ZNF623: variants seen among roughly 807,000 people sequenced by gnomAD.
ZNF623 encodes zinc finger protein 623.
Under a neutral mutation model 24.0 loss-of-function variants are expected in ZNF623, and 16 were observed. The observed-to-expected ratio is 0.67, with a 90% CI of 0.45 to 1.01. The LOEUF is 1.01. ZNF623 is among the 50% of genes least tolerant of loss of function. The pLI, the probability that ZNF623 is intolerant of heterozygous loss-of-function variation, is 0.00. For missense variants in ZNF623, 566 were observed against 606.5 expected (o/e 0.93, Z 0.70); for synonymous variants, 224 against 219.8 (o/e 1.02, Z -0.17).
chr8:143,638,330 G>T (rs1397601767), intron 1 of ZNF623, among the ~76,000 whole-genome samples: 1 of 102,676 alleles, frequency 9.7e-6, no homozygotes, highest in African/African-American at 4.0e-5. Context: ...GACAGAGTGA[G>T]ATTCCGTCTT....
In ZNF623 at chr8:143,651,423, G is replaced by A; in HGVS notation, c.1431G>A (p.Lys477=). The A allele has an allele frequency of 2.5e-6, 4 of 1,612,184 alleles. No individual in the cohort carries two copies. Among genetic ancestry groups the A allele is most frequent in the Non-Finnish European group, 3.4e-6 (4 of 1,179,328 alleles). Residue 477 remains lysine, a synonymous_variant, in exon 2 of 2, where the codon AAG becomes AAA. Transcript: ENST00000526926. ...RVHQEGLSLS[K]APIHLGERSV... ...ACCAAGAGGGACTCTCCTTGAGTAA[G>A]GCCCCCATACATTTGGGTGAGAGGT...
At chr8:143,642,140 G>A (rs1296889011) in intron 1 of ZNF623, among the ~76,000 whole-genome samples, 2 of 152,198 alleles carry the variant, frequency 1.3e-5, no homozygotes, top group Non-Finnish European at 2.9e-5. Context: ...AACCATCTTA[G>A]CTAGATCTGG....
Position 143,638,778 on chromosome 8 carries a change from TA to T in ZNF623, c.-96+2642del, listed in dbSNP as rs890030632. ...TCAAAAAATATATATATATATCAAA[TA>T]AAAAAAAATAAACAGCTTGTTTCCA... On this transcript the variant is annotated intron_variant, in intron 1 of 1. Coordinates refer to ENST00000526926, the MANE Select transcript of ZNF623 (RefSeq NM_001261843.2). Among the ~76,000 whole-genome samples the T allele has an allele frequency of 8.0e-5, 12 of 150,380 alleles. No individual in the cohort carries two copies. The East Asian group carries it at 1.6e-3, about 19-fold the overall frequency.
rs781570540 is a variant in ZNF623 at position 143,650,441 on chromosome 8, A to G, written c.449A>G (p.His150Arg). Residue 150 changes from histidine to arginine, a missense_variant, in exon 2 of 2, where the codon CAC becomes CGC. Transcript: ENST00000526926. This position sits in a 1 kb window ranked among gnomAD's most constrained non-coding sequence, Gnocchi z 5.2. The stretch of plus-strand genomic sequence containing the variant: ...AATGTGTGTGGGAAAGACTTCATTC[A>G]CTATTCAGGTCTCATTGAGCATCAG... ...VCNVCGKDFI[H>R]YSGLIEHQRV... 1.9e-6 allele frequency: 3 copies of G among 1,613,934 alleles called. No homozygotes were observed. Among genetic ancestry groups the G allele is most frequent in the Non-Finnish European group, 2.5e-6 (3 of 1,179,978 alleles).
chr8:143,650,300 T>G lies in ZNF623; in HGVS notation c.308T>G (p.Ile103Ser). Residue 103 changes from isoleucine to serine, a missense_variant, in exon 2 of 2, where the codon ATT (isoleucine) becomes AGT (serine). Physicochemically the swap from Ile to Ser is moderately radical, Grantham distance 142 (BLOSUM62 -2). This residue lies in a region of ZNF623 where 313 missense variants were observed against 300.4 expected (regional missense o/e 1.04). Coordinates refer to ENST00000526926, the MANE Select transcript of ZNF623 (RefSeq NM_001261843.2). The surrounding 1 kb of genome is among the most constrained non-coding windows in gnomAD (Gnocchi z 5.2). ...TFNSDLVRHRISHAGEKPYTC... is the reference protein window; with the variant it reads ...TFNSDLVRHRSSHAGEKPYTC... ...AATTCGGACCTAGTTAGGCATCGGA[T>G]TTCGCATGCTGGGGAGAAACCTTAC... 2 of 1,614,234 alleles carry G rather than the reference T, an allele frequency of 1.2e-6. No individual in the cohort carries two copies. Among genetic ancestry groups the G allele is most frequent in the Non-Finnish European group, 1.7e-6 (2 of 1,180,046 alleles).
At chr8:143,645,902 T>C (rs922562650) in intron 1 of ZNF623, among the ~76,000 whole-genome samples, 1 of 152,180 alleles carries the variant, frequency 6.6e-6, no homozygotes, top group African/African-American at 2.4e-5. Context: ...TTAATTTTTT[T>C]TTTTATGGGA....
chr8:143,640,966 AAAGC>A lies in ZNF623; in HGVS notation c.-96+4823_-96+4826del, dbSNP rs1438587467. 4.0e-3 allele frequency among the ~76,000 whole-genome samples: 587 copies of A among 146,642 alleles called. 10 individuals are homozygous for A. Among genetic ancestry groups the A allele is most frequent in the African/African-American group, 0.015 (563 of 38,692 alleles). ...TAAAAAAAAAAAAAAAAAAAAAAAA[AAAGC>A]AGCAGCACCTCATCCATTCAAGTTT... On this transcript the variant is annotated intron_variant, in intron 1 of 1. Coordinates refer to ENST00000526926, the MANE Select transcript of ZNF623 (RefSeq NM_001261843.2).
intron 1 of ZNF623, among the ~76,000 whole-genome samples, chr8:143,645,246 A>G (rs1038308270): frequency 1.3e-5 from 2 of 152,176 alleles, no homozygotes; most frequent in African/African-American, 2.4e-5. Context: ...GATCGAGACC[A>G]TCCTGGCTAA....
At chr8:143,639,273 A>G (rs911324252) in intron 1 of ZNF623, among the ~76,000 whole-genome samples, 2 of 151,946 alleles carry the variant, frequency 1.3e-5, no homozygotes, top group Admixed American at 1.3e-4. Context: ...GCTGGAGTGC[A>G]ATGGCGTGAT....
chr8:143,639,356 T>G (rs1243525103), intron 1 of ZNF623, among the ~76,000 whole-genome samples: 9 of 151,980 alleles, frequency 5.9e-5, no homozygotes, highest in Admixed American at 5.9e-4. Flanking sequence ...CCCAAGTAGC[T>G]GGGATTACAA....
chr8:143,650,110 C>G lies in ZNF623; in HGVS notation c.118C>G (p.Gln40Glu). 6.2e-7 allele frequency: 1 copy of G among 1,614,154 alleles called. No individual in the cohort carries two copies. The highest frequency in any genetic ancestry group is 2.2e-5 in the East Asian group (1 of 44,880). ...CCCCTCTCAGGACAGGGGCTGCAAGCAGGTGACAGTGACCCATTGGAAGAT... is the reference window on the plus strand; with the variant it reads ...CCCCTCTCAGGACAGGGGCTGCAAGGAGGTGACAGTGACCCATTGGAAGAT... ...SSPSQDRGCK[Q>E]VTVTHWKIQT... The change falls in exon 2 of 2, where the codon CAG becomes GAG. Residue 40 changes from glutamine (Q) to glutamate (E), a missense_variant. By Grantham distance (29) the Gln-to-Glu change is conservative (BLOSUM62 2). Coordinates refer to ENST00000526926, the MANE Select transcript of ZNF623 (RefSeq NM_001261843.2). This position sits in a 1 kb window ranked among gnomAD's most constrained non-coding sequence, Gnocchi z 5.2.
At chr8:143,637,232 T>G (rs944332867) in intron 1 of ZNF623, among the ~76,000 whole-genome samples, 2 of 152,202 alleles carry the variant, frequency 1.3e-5, no homozygotes, top group Admixed American at 6.5e-5. Flanking sequence ...GTAGGCCCCT[T>G]GGTGTGGCGC....
At chr8:143,640,392 T>C (rs1447320702) in intron 1 of ZNF623, among the ~76,000 whole-genome samples, 1 of 152,218 alleles carries the variant, frequency 6.6e-6, no homozygotes, top group Admixed American at 6.5e-5. Context: ...AATGGGACGA[T>C]GAAGTTTGTC....
At chr8:143,649,046 G>A (rs1031440628) in intron 1 of ZNF623, among the ~76,000 whole-genome samples, 1 of 152,026 alleles carries the variant, frequency 6.6e-6, no homozygotes, top group Admixed American at 6.6e-5. Context: ...GGGAGGCCGA[G>A]GCGGGCAGAT....
intron 1 of ZNF623, among the ~76,000 whole-genome samples, chr8:143,637,619 G>A (rs1404507994): frequency 2.0e-5 from 3 of 151,924 alleles, no homozygotes; most frequent in Non-Finnish European, 4.4e-5. Flanking sequence ...GCATGATCTC[G>A]GCTCACTGCA....
intron 1 of ZNF623, among the ~76,000 whole-genome samples, chr8:143,638,616 T>TA (rs1019311988): frequency 1.3e-5 from 2 of 151,452 alleles, no homozygotes; most frequent in African/African-American, 2.4e-5. Flanking sequence ...CAGGCGCCCA[T>TA]AATCCCAGCT....
At chr8:143,642,300 T>C (rs539548957) in intron 1 of ZNF623, among the ~76,000 whole-genome samples, 1 of 152,324 alleles carries the variant, frequency 6.6e-6, no homozygotes, top group Non-Finnish European at 1.5e-5. Flanking sequence ...TCGGCCTTCA[T>C]AGAATTGAGG....
intron 1 of ZNF623, among the ~76,000 whole-genome samples, chr8:143,646,271 G>A (rs9314412): frequency 0.086 from 13,044 of 152,092 alleles, 1,759 homozygotes; most frequent in African/African-American, 0.29. Context: ...TTGGACTCCT[G>A]GCCTCAAGTA....
chr8:143,636,397 T>TC (rs879277275), intron 1 of ZNF623: 6 of 152,298 alleles, frequency 3.9e-5, no homozygotes, highest in Non-Finnish European at 7.3e-5. Context: ...CCTGGGGTCT[T>TC]GTCCCTGAGG....
Sources: gnomAD v4.1 joint callset for allele counts (sites outside exome capture counted in the v4.1 genomes callset) on GRCh38, gnomAD v4.1.1 for gene constraint, gnomAD v4.1.1 regional missense constraint, Gnocchi (gnomAD v3.1) non-coding constraint, MANE v1.5 for transcripts, NCBI Gene and HGNC (gene_info 2026-07-23, HGNC 2026-07-21) for gene names.